SPATA22: variants seen among roughly 807,000 people sequenced by gnomAD.
The protein encoded by SPATA22 is spermatogenesis-associated protein 22.
In SPATA22, 29 loss-of-function variants were observed where a neutral mutation model predicts 47.8. The ratio of observed to expected loss-of-function variants is 0.61; its 90% CI spans 0.45 to 0.83. The LOEUF is 0.83. Among genes scored for constraint, SPATA22 ranks in the 40% least tolerant of loss-of-function variants. SPATA22 has a pLI of 0.00. For missense variants in SPATA22, 410 were observed against 421.7 expected, an observed-to-expected ratio of 0.97 and a Z score of 0.24; for synonymous variants, 133 against 140.9, an observed-to-expected ratio of 0.94 and a Z score of 0.40.
intron 1 of SPATA22, among the ~76,000 whole-genome samples, chr17:3,497,009 T>C (rs1191592111): frequency 6.6e-6 from 1 of 152,170 alleles, no homozygotes; most frequent in East Asian, 1.9e-4. Flanking sequence ...AAGGTTGCAG[T>C]GAGCTGAGAT....
rs1225413592 is a variant in SPATA22, at chr17:3,488,048, A to AT, written c.-73-18651dup. ...AAATGATGCAAGAGAATAAGATAAG[A>AT]TTTTGTGTATTGGGAAATAACAGAA... On this transcript the variant is annotated intron_variant, in intron 1 of 8. Transcript: ENST00000541913. This position sits in a 1 kb window ranked among gnomAD's most constrained non-coding sequence, Gnocchi z 6.1. Among the ~76,000 whole-genome samples the AT allele has an allele frequency of 6.6e-6, 1 of 152,214 alleles. No individual in the cohort carries two copies. Among genetic ancestry groups the AT allele is most frequent in the Non-Finnish European group, 1.5e-5 (1 of 68,040 alleles).
intron 5 of SPATA22, among the ~76,000 whole-genome samples, chr17:3,461,388 G>C (rs1471273050): frequency 6.6e-6 from 1 of 152,180 alleles, no homozygotes; most frequent in Non-Finnish European, 1.5e-5. Flanking sequence ...TATTCCAACA[G>C]TCTGACAGCT....
At position 3,490,370 on chromosome 17, in the gene SPATA22, GTTTAC is replaced by G. The variant is rs2073803780; in HGVS notation, c.-73-20977_-73-20973del. Among the ~76,000 whole-genome samples the G allele has an allele frequency of 6.6e-6, 1 of 152,146 alleles. No individual in the cohort carries two copies. The highest frequency in any genetic ancestry group is 2.4e-5 in the African/African-American group (1 of 41,436). ...AAAAAGTCTATTAGTTATAAAAAAA[GTTTAC>G]TTTAAAATGGAAAATAGTTGCTTAA... On this transcript the variant is annotated intron_variant, in intron 1 of 8. Transcript: ENST00000541913. The surrounding 1 kb of genome is among the most constrained non-coding windows in gnomAD (Gnocchi z 4.6).
At chr17:3,462,334 A>G in intron 5 of SPATA22, 149 bp downstream of exon 5, 1 of 544,212 alleles carries the variant, frequency 1.8e-6, no homozygotes, top group East Asian at 3.0e-5. Flanking sequence ...CATAAAACAT[A>G]ATTAATACTG....
chr17:3,476,184 G>C (rs1483554951), upstream of SPATA22: 1 of 1,613,954 alleles, frequency 6.2e-7, no homozygotes, highest in East Asian at 2.2e-5. Flanking sequence ...CATTGCTGAA[G>C]AACATATACA....
chr17:3,479,945 G>T (rs1334741822), intron 1 of SPATA22, among the ~76,000 whole-genome samples: 2 of 152,266 alleles, frequency 1.3e-5, no homozygotes, highest in East Asian at 3.9e-4. Context: ...TGGGGAGAGG[G>T]TAGAGGCCCA....
Position 3,485,385 on chromosome 17 carries a change from A to G in SPATA22, c.-73-15987T>C, listed in dbSNP as rs1046625545. ...ATCCATTCCTTCCCATGCAGGTTCTATAACTATAACCATATATAAAATACT... is the reference window on the plus strand; with the variant it reads ...ATCCATTCCTTCCCATGCAGGTTCTGTAACTATAACCATATATAAAATACT... On this transcript the variant is annotated intron_variant, in intron 1 of 8. Coordinates refer to the SPATA22 transcript ENST00000541913. This position sits in a 1 kb window ranked among gnomAD's most constrained non-coding sequence, Gnocchi z 4.4. Among the ~76,000 whole-genome samples, 7 of 152,150 alleles carry G rather than the reference A, an allele frequency of 4.6e-5. No individual in the cohort carries two copies. Among genetic ancestry groups the G allele is most frequent in the African/African-American group, 1.4e-4 (6 of 41,420 alleles).
intron 1 of SPATA22, chr17:3,498,801 C>T (rs2073951524): frequency 8.1e-7 from 1 of 1,227,208 alleles, no homozygotes; most frequent in Non-Finnish European, 1.1e-6. Flanking sequence ...CAACAGAATA[C>T]TGTAATTTGT....
At chr17:3,499,559 C>T (rs1451809791) in intron 1 of SPATA22, 1 of 152,468 alleles carries the variant, frequency 6.6e-6, no homozygotes, top group Non-Finnish European at 1.5e-5. Flanking sequence ...CTGTGTCACC[C>T]TTTGATAATA....
At chr17:3,504,554 CTTT>C (rs34155812) in intron 1 of SPATA22, among the ~76,000 whole-genome samples, 44 of 138,594 alleles carry the variant, frequency 3.2e-4, no homozygotes, top group Admixed American at 4.3e-4. Context: ...ATTTTCTTTT[CTTT>C]TTTTTTTTTT....
At chr17:3,466,342 G>A (rs1046049545) in intron 3 of SPATA22, among the ~76,000 whole-genome samples, 3 of 151,934 alleles carry the variant, frequency 2.0e-5, no homozygotes, top group Admixed American at 2.0e-4. Flanking sequence ...CTCTTCCAGA[G>A]GAAAGTAAAA....
intron 5 of SPATA22, among the ~76,000 whole-genome samples, chr17:3,458,637 G>T (rs8073481): frequency 0.23 from 35,463 of 151,706 alleles, 4,397 homozygotes; most frequent in East Asian, 0.42. Flanking sequence ...GAGGTCAGGA[G>T]TTGGAGACCA....
chr17:3,474,380 A>G (rs2073490726), upstream of SPATA22, among the ~76,000 whole-genome samples: 1 of 152,242 alleles, frequency 6.6e-6, no homozygotes, highest in Admixed American at 6.5e-5. Flanking sequence ...AGACTAGGGC[A>G]AAGGACAGAA....
chr17:3,466,802 A>G (rs1049834421), intron 3 of SPATA22, among the ~76,000 whole-genome samples: 3 of 152,218 alleles, frequency 2.0e-5, no homozygotes, highest in Non-Finnish European at 4.4e-5. Flanking sequence ...TAAAGTCACT[A>G]ATCTCATTCA....
chr17:3,447,778 G>T (rs939907803), intron 6 of SPATA22, among the ~76,000 whole-genome samples: 1 of 152,120 alleles, frequency 6.6e-6, no homozygotes, highest in Admixed American at 6.5e-5. Flanking sequence ...AGCCACTGCT[G>T]GTGATGTAAC....
At chr17:3,481,620 A>T in intron 1 of SPATA22, 1 of 1,613,654 alleles carries the variant, frequency 6.2e-7, no homozygotes, top group Non-Finnish European at 8.5e-7. Flanking sequence ...ATGTCAGAAG[A>T]TTTGCCATAT....
upstream of SPATA22, chr17:3,476,197 A>C (rs775814453): frequency 3.7e-6 from 6 of 1,614,086 alleles, no homozygotes; most frequent in South Asian, 3.3e-5. Context: ...CATATACAAA[A>C]GGTTGCTATC....
chr17:3,496,862 C>G (rs190295122), intron 1 of SPATA22, among the ~76,000 whole-genome samples: 1 of 151,996 alleles, frequency 6.6e-6, no homozygotes, highest in Non-Finnish European at 1.5e-5. Flanking sequence ...GTCAGGAGAT[C>G]GAGACCATCC....
In SPATA22 at chr17:3,464,754, G is replaced by A. The variant is rs1192368266; in HGVS notation, c.173-1987C>T. Among the ~76,000 whole-genome samples, 16 of 129,712 alleles carry A rather than the reference G, an allele frequency of 1.2e-4. No homozygotes were observed. The South Asian group carries it at 2.3e-3, about 18-fold the overall frequency. The allele number at this position is 129,712 out of a possible 152,430, so 85.1% of individuals were successfully genotyped here. ...AGACCCTCCGCCCGGCAACCGCCCC[G>A]TCTGAGAAGTGAGGAGCCCCTCCGC... On this transcript the variant is annotated intron_variant, in intron 3 of 8. Transcript: ENST00000572969.
Sources: allele counts gnomAD v4.1 joint callset (sites outside exome capture counted in the v4.1 genomes callset), GRCh38; gene constraint gnomAD v4.1.1; non-coding constraint Gnocchi (gnomAD v3.1); transcripts MANE v1.5; gene names NCBI Gene and HGNC (gene_info 2026-07-23, HGNC 2026-07-21).